The following HEXA variants were observed in gnomAD, a reference collection of about 807,000 sequenced individuals.
HEXA encodes the protein beta-hexosaminidase subunit alpha.
A neutral mutation model predicts 73.3 loss-of-function variants in HEXA; 54 were observed. The ratio of observed to expected loss-of-function variants is 0.74; its 90% CI spans 0.59 to 0.92. The LOEUF is 0.92. HEXA is among the 40% of genes least tolerant of loss of function. The pLI is 0.00. For synonymous variants in HEXA, 230 were observed against 246.9 expected, an observed-to-expected ratio of 0.93 and a Z score of 0.64; for missense variants, 649 against 653.0, an observed-to-expected ratio of 0.99 and a Z score of 0.07.
intron 1 of HEXA, among the ~76,000 whole-genome samples, chr15:72,371,641 T>G (rs986319269): frequency 6.6e-6 from 1 of 151,194 alleles, no homozygotes; most frequent in Admixed American, 6.6e-5. Flanking sequence ...CCATAAAGCC[T>G]TCTTACAAAT....
chr15:72,369,256 A>T (rs1235930703), intron 1 of HEXA, among the ~76,000 whole-genome samples: 1 of 152,216 alleles, frequency 6.6e-6, no homozygotes, highest in Non-Finnish European at 1.5e-5. Context: ...AGAAAATATA[A>T]TCCATTTCTG....
rs141445224 is a variant in HEXA, at chr15:72,358,926, G to A, written c.254-2309C>T. ...ATAGGCAGGGGACAGTAGTACAGCCGCCTCTACACACACCCGCCCACACCC... is the reference window on the plus strand; with the variant it reads ...ATAGGCAGGGGACAGTAGTACAGCCACCTCTACACACACCCGCCCACACCC... On this transcript the variant is annotated intron_variant, in intron 1 of 13. Coordinates refer to ENST00000268097, the MANE Select transcript of HEXA (RefSeq NM_000520.6). 9.6e-3 allele frequency: 1,469 copies of A among 152,346 alleles called. 9 individuals are homozygous for A. The highest frequency in any genetic ancestry group is 0.014 in the Non-Finnish European group (967 of 68,064). 9.4% of individuals were successfully genotyped at this position (152,346 alleles called of 1,614,324 possible).
chr15:72,363,785 T>C (rs1036882930), intron 1 of HEXA, among the ~76,000 whole-genome samples: 1 of 152,140 alleles, frequency 6.6e-6, no homozygotes, highest in Non-Finnish European at 1.5e-5. Context: ...AAAGCTGTAG[T>C]TAAAAATTTT....
intron 5 of HEXA, chr15:72,351,517 G>A (rs2088695810): frequency 1.9e-6 from 1 of 513,416 alleles, no homozygotes; most frequent in East Asian, 3.6e-5. Flanking sequence ...CACATTAAGA[G>A]GAGGGCTGCA....
chr15:72,361,304 C>G (rs1039892436), intron 1 of HEXA, among the ~76,000 whole-genome samples: 1 of 152,180 alleles, frequency 6.6e-6, no homozygotes, highest in Admixed American at 6.5e-5. Context: ...TCTTGGTTTT[C>G]CTTCTAACTC....
chr15:72,346,347 C>T (rs777608468), intron 11 of HEXA, 22 bp from the exon 12 acceptor site: 4 of 1,599,498 alleles, frequency 2.5e-6, no homozygotes, highest in East Asian at 4.5e-5. Context: ...CAAGCAACAA[C>T]AGTCTGGTGA....
intron 12 of HEXA, chr15:72,345,931 T>A: frequency 1.9e-6 from 1 of 535,950 alleles, no homozygotes; most frequent in Non-Finnish European, 3.4e-6. Flanking sequence ...ATTACAGGAA[T>A]CATGGATGCT....
At chr15:72,351,345 ACCTG>A (rs1460847746) in intron 5 of HEXA, 111 bp from the exon 6 acceptor site, 1 of 755,276 alleles carries the variant, frequency 1.3e-6, no homozygotes, top group East Asian at 2.5e-5. Context: ...TACAGGCTTG[ACCTG>A]CCTCAGCTCT....
chr15:72,368,347 A>C (rs2088944402), intron 1 of HEXA, among the ~76,000 whole-genome samples: 1 of 152,236 alleles, frequency 6.6e-6, no homozygotes, highest in African/African-American at 2.4e-5. Flanking sequence ...CTGTACAGTG[A>C]CAAAAGCAAA....
chr15:72,344,015 C>T lies in HEXA; in HGVS notation c.*62G>A. On this transcript the variant is annotated 3_prime_UTR_variant, in exon 14 of 14. Coordinates refer to ENST00000268097, the MANE Select transcript of HEXA (RefSeq NM_000520.6). The stretch of plus-strand genomic sequence containing the variant: ...GGGGCTCCGTCCCCTGGCCAGGATG[C>T]AGTGGAAGCCTGGCTCCACTACCAT... The T allele has an allele frequency of 1.5e-6, 2 of 1,377,596 alleles. No individual in the cohort carries two copies. Among genetic ancestry groups the T allele is most frequent in the Non-Finnish European group, 2.1e-6 (2 of 965,748 alleles). 85.3% of individuals were successfully genotyped at this position (1,377,596 alleles called of 1,614,324 possible).
chr15:72,351,071 A>C, intron 6 of HEXA, 62 bp downstream of exon 6: 1 of 1,081,986 alleles, frequency 9.2e-7, no homozygotes, highest in East Asian at 2.4e-5. Context: ...TCTTGCCAGC[A>C]GGGCCACAGC....
At chr15:72,353,651 A>T (rs775571479) in intron 4 of HEXA, 40 bp downstream of exon 4, 2 of 1,504,370 alleles carry the variant, frequency 1.3e-6, no homozygotes, top group African/African-American at 2.8e-5. Context: ...ATCCAACCCC[A>T]GAGATGAAAA....
chr15:72,374,497 AATG>A (rs1289412303), intron 1 of HEXA, among the ~76,000 whole-genome samples: 2 of 152,128 alleles, frequency 1.3e-5, no homozygotes, highest in Non-Finnish European at 2.9e-5. Context: ...CTATATATCA[AATG>A]ATAACTTTTG....
At chr15:72,359,903 A>C (rs987225956) in intron 1 of HEXA, 2 of 152,200 alleles carry the variant, frequency 1.3e-5, no homozygotes, top group Admixed American at 1.3e-4. Flanking sequence ...TATTCATCAC[A>C]GACAGGTCAC....
intron 1 of HEXA, among the ~76,000 whole-genome samples, chr15:72,365,586 TATA>T (rs1191380419): frequency 2.0e-5 from 3 of 152,168 alleles, no homozygotes; most frequent in Non-Finnish European, 4.4e-5. Flanking sequence ...CCCCTAAAAT[TATA>T]ATAATAGTTT....
Position 72,367,808 on chromosome 15 carries a change from C to G in HEXA, c.253+7912G>C, listed in dbSNP as rs182292761. ...AGGCCTTTTCCACGCGCAGTTCTTTCTATGCGGAATACTATCTTCACCCCC... is the reference window on the plus strand; with the variant it reads ...AGGCCTTTTCCACGCGCAGTTCTTTGTATGCGGAATACTATCTTCACCCCC... On this transcript the variant is annotated intron_variant, in intron 1 of 13. Coordinates refer to ENST00000268097, the MANE Select transcript of HEXA (RefSeq NM_000520.6). Among the ~76,000 whole-genome samples, 24 of 152,322 alleles carry G rather than the reference C, an allele frequency of 1.6e-4. 1 individual carries two copies. In the East Asian group the frequency reaches 3.5e-3, roughly 22 times the overall value.
chr15:72,350,352 G>T, intron 7 of HEXA, 166 bp downstream of exon 7: 1 of 777,482 alleles, frequency 1.3e-6, no homozygotes, highest in Non-Finnish European at 2.3e-6. Context: ...AGCCTCCATT[G>T]TCCAAAGTGA....
At chr15:72,365,051 C>A (rs1201310962) in intron 1 of HEXA, among the ~76,000 whole-genome samples, 3 of 151,864 alleles carry the variant, frequency 2.0e-5, no homozygotes, top group Non-Finnish European at 4.4e-5. Context: ...GTCTTGAACT[C>A]TTGGCCTCAA....
rs572071638 is a variant in HEXA, at chr15:72,374,393, A to G, written c.253+1327T>C. Reference sequence around the variant, plus strand: ...CCTCTCCAGCTTAATGCATTTTACCAGTTAAGGACTACCCTGATGCTGAGA... The same window carrying G: ...CCTCTCCAGCTTAATGCATTTTACCGGTTAAGGACTACCCTGATGCTGAGA... On this transcript the variant is annotated intron_variant, in intron 1 of 13. Transcript: ENST00000268097. Among the ~76,000 whole-genome samples, 27 of 152,348 alleles carry G rather than the reference A, an allele frequency of 1.8e-4. No individual in the cohort carries two copies. In the South Asian group the frequency reaches 2.9e-3, roughly 16 times the overall value.
Sources: allele counts gnomAD v4.1 joint callset (sites outside exome capture counted in the v4.1 genomes callset), GRCh38; gene constraint gnomAD v4.1.1; transcripts MANE v1.5; gene names NCBI Gene and HGNC (gene_info 2026-07-23, HGNC 2026-07-21).